The following RAB3C variants were observed in gnomAD, a reference collection of about 807,000 sequenced individuals.
RAB3C encodes RAB3C, member RAS oncogene family, also known as ras-related protein Rab-3C.
Under a neutral mutation model 26.4 loss-of-function variants are expected in RAB3C, and 17 were observed. The observed-to-expected ratio is 0.64, with a 90% confidence interval of 0.44 to 0.97. The LOEUF (loss-of-function observed/expected upper bound fraction) is 0.97. RAB3C is among the 50% of genes least tolerant of loss of function. The pLI, the probability that RAB3C is intolerant of heterozygous loss-of-function variation, is 0.00. For missense variants in RAB3C, 242 were observed against 281.9 expected, an observed-to-expected ratio of 0.86 and a Z score of 1.01; for synonymous variants, 91 against 95.9, an observed-to-expected ratio of 0.95 and a Z score of 0.30.
intron 2 of RAB3C, among the ~76,000 whole-genome samples, chr5:58,679,402 G>A (rs978559334): frequency 6.6e-6 from 1 of 152,156 alleles, no homozygotes; most frequent in Non-Finnish European, 1.5e-5. Context: ...TCTGAAAGGA[G>A]AATCTTTGCT....
chr5:58,693,342 A>ATGTG (rs1408528918), intron 2 of RAB3C, among the ~76,000 whole-genome samples: 1 of 137,626 alleles, frequency 7.3e-6, no homozygotes, highest in African/African-American at 3.0e-5. Context: ...ATGTGTATAT[A>ATGTG]TATATATATA....
At chr5:58,647,329 C>T (rs1747541333) in intron 2 of RAB3C, among the ~76,000 whole-genome samples, 1 of 152,112 alleles carries the variant, frequency 6.6e-6, no homozygotes, top group Non-Finnish European at 1.5e-5. Context: ...GAAGGGGAGG[C>T]AAGTTTAGAC....
At chr5:58,655,830 C>T (rs1187041500) in intron 2 of RAB3C, among the ~76,000 whole-genome samples, 1 of 133,928 alleles carries the variant, frequency 7.5e-6, no homozygotes, top group Non-Finnish European at 1.5e-5. Flanking sequence ...GAGTCTCGCT[C>T]TGTCACCCAG....
At chr5:58,605,283 A>G (rs1024020072) in intron 1 of RAB3C, among the ~76,000 whole-genome samples, 1 of 152,086 alleles carries the variant, frequency 6.6e-6, no homozygotes, top group Non-Finnish European at 1.5e-5. Flanking sequence ...GCAAGCCTCC[A>G]TACACTGCTC....
chr5:58,771,972 A>G (rs1272664268), intron 3 of RAB3C, among the ~76,000 whole-genome samples: 1 of 152,050 alleles, frequency 6.6e-6, no homozygotes, highest in African/African-American at 2.4e-5. Context: ...GTAAACTCAA[A>G]GTGTATAAAA....
intron 2 of RAB3C, among the ~76,000 whole-genome samples, chr5:58,707,920 C>T (rs1458760694): frequency 6.6e-6 from 1 of 152,062 alleles, no homozygotes; most frequent in East Asian, 1.9e-4. Flanking sequence ...CCCTGCCCCG[C>T]CTGGGCATGT....
chr5:58,591,247 G>T (rs1312116110), intron 1 of RAB3C, among the ~76,000 whole-genome samples: 1 of 152,058 alleles, frequency 6.6e-6, no homozygotes, highest in Non-Finnish European at 1.5e-5. Context: ...TATCATTAGG[G>T]TTATGGCATT....
chr5:58,608,355 A>G (rs971418917), intron 1 of RAB3C, among the ~76,000 whole-genome samples: 2 of 152,174 alleles, frequency 1.3e-5, no homozygotes, highest in African/African-American at 4.8e-5. Context: ...GAAAAAAACA[A>G]CCCCATCAAA....
chr5:58,675,154 C>G (rs749553300), intron 2 of RAB3C, among the ~76,000 whole-genome samples: 1 of 152,052 alleles, frequency 6.6e-6, no homozygotes, highest in Non-Finnish European at 1.5e-5. Flanking sequence ...GTCTCAGGCT[C>G]AATATCTACC....
intron 3 of RAB3C, among the ~76,000 whole-genome samples, chr5:58,788,880 G>T (rs1331374865): frequency 6.6e-6 from 1 of 152,098 alleles, no homozygotes; most frequent in African/African-American, 2.4e-5. Context: ...TTCCTAAGTG[G>T]TTTCCATGGC....
intron 3 of RAB3C, among the ~76,000 whole-genome samples, chr5:58,776,014 T>G (rs1742132966): frequency 6.6e-6 from 1 of 152,046 alleles, no homozygotes; most frequent in Non-Finnish European, 1.5e-5. Context: ...GGCCCATCAC[T>G]CCCTGGCTGT....
Position 58,856,642 on chromosome 5 carries a change from G to C in RAB3C, c.*5291G>C, listed in dbSNP as rs914983568. 6.6e-6 allele frequency: 1 copy of C among 152,170 alleles called. No individual in the cohort carries two copies. Among genetic ancestry groups the C allele is most frequent in the African/African-American group, 2.4e-5 (1 of 41,436 alleles). The allele number at this position is 152,170 out of a possible 1,614,324, so 9.4% of individuals were successfully genotyped here. On this transcript the variant is annotated 3_prime_UTR_variant, in exon 5 of 5. Coordinates refer to ENST00000282878, the MANE Select transcript of RAB3C (RefSeq NM_138453.4). ...CGTGGACAAGTGAGAGTTGGCTGTG[G>C]CTTTATTTCTTGAGGCAAATTATTT...
At chr5:58,608,741 A>G (rs562253845) in intron 1 of RAB3C, among the ~76,000 whole-genome samples, 6 of 152,252 alleles carry the variant, frequency 3.9e-5, no homozygotes, top group South Asian at 2.1e-4. Context: ...ATGCACATGT[A>G]TATTTATTGT....
At chr5:58,716,057 AT>A (rs1326719785) in intron 2 of RAB3C, among the ~76,000 whole-genome samples, 4,223 of 147,746 alleles carry the variant, frequency 0.029, 201 homozygotes, top group African/African-American at 0.1. Context: ...AAAAAAAATA[AT>A]AAATAAATAA....
chr5:58,655,947 C>T (rs535346865), intron 2 of RAB3C, among the ~76,000 whole-genome samples: 21 of 152,164 alleles, frequency 1.4e-4, no homozygotes, highest in African/African-American at 5.1e-4. Flanking sequence ...CAGGCGCCCG[C>T]CACCACGCCC....
At chr5:58,599,595 A>G (rs1164291494) in intron 1 of RAB3C, among the ~76,000 whole-genome samples, 1 of 152,160 alleles carries the variant, frequency 6.6e-6, no homozygotes, top group Admixed American at 6.5e-5. Context: ...CCAAACTGGA[A>G]GTAAACTACA....
intron 2 of RAB3C, among the ~76,000 whole-genome samples, chr5:58,693,872 T>G (rs1364694514): frequency 1.3e-5 from 2 of 152,184 alleles, no homozygotes; most frequent in African/African-American, 4.8e-5. Flanking sequence ...TTCCTGGATA[T>G]GCTTGACAAC....
At chr5:58,845,743 T>C (rs1335826487) in intron 4 of RAB3C, among the ~76,000 whole-genome samples, 1 of 151,456 alleles carries the variant, frequency 6.6e-6, no homozygotes, top group African/African-American at 2.4e-5. Context: ...ATTTGAAGTG[T>C]ACAATTCAGT....
chr5:58,634,097 C>T (rs185740422), intron 2 of RAB3C, among the ~76,000 whole-genome samples: 54 of 151,206 alleles, frequency 3.6e-4, no homozygotes, highest in African/African-American at 1.1e-3. Context: ...GCTGAGATTG[C>T]GCCACTGCAC....
Sources: allele counts gnomAD v4.1 joint callset (sites outside exome capture counted in the v4.1 genomes callset), GRCh38; gene constraint gnomAD v4.1.1; transcripts MANE v1.5; gene names NCBI Gene and HGNC (gene_info 2026-07-23, HGNC 2026-07-21).